Variants in ENTPD1 observed in about 807,000 individuals in gnomAD.
The protein encoded by ENTPD1 is ATP diphosphohydrolase.
In ENTPD1, 33 loss-of-function variants were observed where a neutral mutation model predicts 57.0. The observed-to-expected ratio is 0.58, with a 90% CI of 0.44 to 0.77. ENTPD1 has a LOEUF of 0.77. Among genes scored for constraint, ENTPD1 ranks in the 30% least tolerant of loss-of-function variants. ENTPD1 has a pLI of 0.00. For missense variants in ENTPD1, 501 were observed against 603.4 expected (o/e 0.83, Z 1.78); for synonymous variants, 202 against 218.8 (o/e 0.92, Z 0.68).
At chr10:95,752,343 G>A (rs2098013371), upstream of ENTPD1, among the ~76,000 whole-genome samples, 1 of 152,128 alleles carries the variant, frequency 6.6e-6, no homozygotes, top group Non-Finnish European at 1.5e-5. Flanking sequence ...TTTAAAAATT[G>A]TGATAAAATA....
chr10:95,769,854 A>G (rs1349132109), intron 1 of ENTPD1, among the ~76,000 whole-genome samples: 1 of 152,214 alleles, frequency 6.6e-6, no homozygotes, highest in Non-Finnish European at 1.5e-5. Context: ...CTTGACTCCA[A>G]GGTTTTGGGC....
chr10:95,799,625 T>C (rs2098240496), intron 1 of ENTPD1, among the ~76,000 whole-genome samples: 1 of 152,228 alleles, frequency 6.6e-6, no homozygotes, highest in Non-Finnish European at 1.5e-5. Context: ...TATGATAGAA[T>C]GATTTATATT....
Position 95,870,170 on chromosome 10 carries a change from C to T in ENTPD1, c.*3787C>T, listed in dbSNP as rs1398191810. On this transcript the variant is annotated 3_prime_UTR_variant, in exon 10 of 10. Transcript: ENST00000371205. ...CATGAAGATGTGAAGGCAGGGATGC[C>T]TGTTATTCAGTCCAAGATGCATGAC... The T allele has an allele frequency of 1.0e-6, 1 of 985,280 alleles. No homozygotes were observed. Among genetic ancestry groups the T allele is most frequent in the Non-Finnish European group, 1.2e-6 (1 of 829,944 alleles). 61.0% of individuals were successfully genotyped at this position (985,280 alleles called of 1,614,324 possible).
At chr10:95,788,067 G>A (rs1431583371) in intron 1 of ENTPD1, among the ~76,000 whole-genome samples, 7 of 152,148 alleles carry the variant, frequency 4.6e-5, no homozygotes, top group Admixed American at 4.6e-4. Context: ...GAAGATATTA[G>A]TGCCTGTCTT....
chr10:95,792,719 G>A (rs2098210036), intron 1 of ENTPD1, among the ~76,000 whole-genome samples: 1 of 152,166 alleles, frequency 6.6e-6, no homozygotes, highest in Non-Finnish European at 1.5e-5. Flanking sequence ...TTGGTTTTTA[G>A]GCTGGTCTGT....
intron 1 of ENTPD1, among the ~76,000 whole-genome samples, chr10:95,817,948 A>G (rs2098335607): frequency 6.6e-6 from 1 of 152,218 alleles, no homozygotes; most frequent in African/African-American, 2.4e-5. Flanking sequence ...TGAGTGACCA[A>G]CTGAAAAAAT....
At chr10:95,844,179 C>T (rs1008980451) in intron 4 of ENTPD1, among the ~76,000 whole-genome samples, 1 of 152,126 alleles carries the variant, frequency 6.6e-6, no homozygotes, top group African/African-American at 2.4e-5. Flanking sequence ...TTTTAAGAGC[C>T]TTTGATAACT....
intron 1 of ENTPD1, among the ~76,000 whole-genome samples, chr10:95,724,890 AAAATTTGAG>A (rs1435145039): frequency 1.3e-5 from 2 of 152,222 alleles, no homozygotes; most frequent in African/African-American, 4.8e-5. Context: ...TTTTAAAAGT[AAAATTTGAG>A]AAGTTTTGGG....
chr10:95,797,807 C>A (rs950384535), intron 1 of ENTPD1, among the ~76,000 whole-genome samples: 1 of 152,194 alleles, frequency 6.6e-6, no homozygotes, highest in Non-Finnish European at 1.5e-5. Flanking sequence ...ACTAGGCCCA[C>A]CTTCAACATT....
intron 1 of ENTPD1, among the ~76,000 whole-genome samples, chr10:95,803,185 A>C (rs1254058871): frequency 2.0e-5 from 3 of 152,172 alleles, no homozygotes; most frequent in Non-Finnish European, 4.4e-5. Flanking sequence ...CTTCCTGTCC[A>C]TGAGCATGGA....
intron 1 of ENTPD1, among the ~76,000 whole-genome samples, chr10:95,788,347 G>A (rs2098188926): frequency 6.6e-6 from 1 of 152,188 alleles, no homozygotes; most frequent in South Asian, 2.1e-4. Flanking sequence ...GCCAGGCATA[G>A]TGGCTCACGC....
At chr10:95,839,881 A>G in intron 3 of ENTPD1, 73 bp downstream of exon 3, 1 of 1,485,790 alleles carries the variant, frequency 6.7e-7, no homozygotes, top group South Asian at 1.1e-5. Flanking sequence ...GACCAGTAGA[A>G]CACAAGAGAA....
the ENTPD1 span, among the ~76,000 whole-genome samples, chr10:95,703,498 A>G: frequency 0.034 from 5,140 of 152,252 alleles, 120 homozygotes; most frequent in Non-Finnish European, 0.049. Flanking sequence ...ATCTTTACAT[A>G]TCACTGGGCG....
chr10:95,729,075 C>A (rs1250111658), intron 1 of ENTPD1, among the ~76,000 whole-genome samples: 1 of 151,842 alleles, frequency 6.6e-6, no homozygotes, highest in Non-Finnish European at 1.5e-5. Flanking sequence ...CAAATTGTTG[C>A]AAATTTCTAA....
chr10:95,714,769 A>C (rs965482247), intron 1 of ENTPD1, among the ~76,000 whole-genome samples: 1 of 152,164 alleles, frequency 6.6e-6, no homozygotes, highest in Non-Finnish European at 1.5e-5. Flanking sequence ...ACAGAATTTC[A>C]AAAATTTTTT....
At position 95,783,644 on chromosome 10, in the gene ENTPD1, C is replaced by T. The variant is rs544271047; in HGVS notation, c.16+27389C>T. Among the ~76,000 whole-genome samples, 105 of 151,400 alleles carry T rather than the reference C, an allele frequency of 6.9e-4. 1 individual carries two copies. Among genetic ancestry groups the T allele is most frequent in the African/African-American group, 2.5e-3 (102 of 41,208 alleles). ...TTTTATATTACCTTCTGTGTTAGGA[C>T]TTTCTTAGGATTCCTAAAAATTTTG... On this transcript the variant is annotated intron_variant, in intron 1 of 9. Transcript: ENST00000371205.
upstream of ENTPD1, among the ~76,000 whole-genome samples, chr10:95,710,892 A>C (rs1015050640): frequency 2.6e-5 from 4 of 152,180 alleles, no homozygotes; most frequent in African/African-American, 9.7e-5. Context: ...TACTGAGCAC[A>C]ATATAGCCAA....
At position 95,747,992 on chromosome 10, in the gene ENTPD1, C is replaced by T. The variant is rs1209541487; in HGVS notation, c.37+35999C>T. The stretch of plus-strand genomic sequence containing the variant: ...ATTCACACCATTCTGTCACCTCAGC[C>T]TCCCAAGTAGCTGGGATTACAGGCA... On this transcript the variant is annotated intron_variant, in intron 1 of 9. Coordinates refer to the ENTPD1 transcript ENST00000453258. 4.6e-5 allele frequency among the ~76,000 whole-genome samples: 7 copies of T among 152,202 alleles called. No individual in the cohort carries two copies. In the East Asian group the frequency reaches 1.2e-3, roughly 25 times the overall value.
chr10:95,873,634 C>T lies in ENTPD1; in HGVS notation c.*7251C>T. 1 of 985,426 alleles carries T rather than the reference C, an allele frequency of 1.0e-6. No individual in the cohort carries two copies. Among genetic ancestry groups the T allele is most frequent in the Non-Finnish European group, 1.2e-6 (1 of 829,926 alleles). 61.0% of individuals were successfully genotyped at this position (985,426 alleles called of 1,614,324 possible). ...TCTATGGATGTTTCCTTCTGTCACT[C>T]TACTAGGGATGAAACAGCTAATCAT... On this transcript the variant is annotated 3_prime_UTR_variant, in exon 10 of 10. Transcript: ENST00000371205.
Sources: gnomAD v4.1 joint callset for allele counts (sites outside exome capture counted in the v4.1 genomes callset) on GRCh38, gnomAD v4.1.1 for gene constraint, MANE v1.5 for transcripts, NCBI Gene and HGNC (gene_info 2026-07-23, HGNC 2026-07-21) for gene names.